Variants in COG2 observed in about 807,000 individuals in gnomAD.
COG2 encodes conserved oligomeric Golgi complex subunit 2.
In COG2, 52 loss-of-function variants were observed where a neutral mutation model predicts 90.6. That is an observed-to-expected ratio of 0.57 (90% CI 0.46 to 0.72). The LOEUF (loss-of-function observed/expected upper bound fraction) is 0.72. COG2 is among the 30% of genes least tolerant of loss of function. The pLI, the probability that COG2 is intolerant of heterozygous loss-of-function variation, is 0.00. For missense variants in COG2, 829 were observed against 891.2 expected, an observed-to-expected ratio of 0.93 and a Z score of 0.89; for synonymous variants, 337 against 320.4, an observed-to-expected ratio of 1.05 and a Z score of -0.55.
chr1:230,668,141 G>A (rs1571952236), intron 5 of COG2, among the ~76,000 whole-genome samples: 1 of 152,106 alleles, frequency 6.6e-6, no homozygotes, highest in Admixed American at 6.5e-5. Context: ...AAATATATTT[G>A]GTATTTTAGA....
At chr1:230,685,867 G>A (rs140540749) in intron 12 of COG2, among the ~76,000 whole-genome samples, 2 of 152,292 alleles carry the variant, frequency 1.3e-5, no homozygotes, top group Non-Finnish European at 2.9e-5. Flanking sequence ...TGGGGACAGC[G>A]TGAGTAACAG....
chr1:230,666,348 G>C (rs1376378902), intron 5 of COG2, among the ~76,000 whole-genome samples: 1 of 152,002 alleles, frequency 6.6e-6, no homozygotes, highest in African/African-American at 2.4e-5. Flanking sequence ...GCAAGCCCTG[G>C]AGACTCTGCT....
intron 5 of COG2, among the ~76,000 whole-genome samples, chr1:230,665,611 A>G (rs996092219): frequency 1.3e-5 from 2 of 152,192 alleles, no homozygotes; most frequent in Non-Finnish European, 2.9e-5. Flanking sequence ...CGAAAAGGAA[A>G]TTATTCTCAT....
At chr1:230,665,106 C>T (rs1662288822) in intron 5 of COG2, among the ~76,000 whole-genome samples, 2 of 152,186 alleles carry the variant, frequency 1.3e-5, no homozygotes, top group Admixed American at 1.3e-4. Context: ...CCTTCCCACA[C>T]TGAATTTAAA....
intron 9 of COG2, among the ~76,000 whole-genome samples, chr1:230,676,711 TTGA>T (rs1662609110): frequency 6.6e-6 from 1 of 152,160 alleles, no homozygotes. Flanking sequence ...CTTCTAACTG[TTGA>T]TGATAATTTA....
In COG2 at chr1:230,685,222, G is replaced by T. The variant is rs1476101808; in HGVS notation, c.1366G>T (p.Val456Leu). ...LTLQILARYSVFVNELSLRPI... is the reference protein window; with the variant it reads ...LTLQILARYSLFVNELSLRPI... ...TCTGCAGATTTTGGCACGATACTCT[G>T]TGTTTGTCAATGAGGTAAGGGCTGG... Residue 456 changes from valine to leucine, a missense_variant, in exon 12 of 18, where the codon GTG (valine) becomes TTG (leucine). By Grantham distance (32) the Val-to-Leu change is conservative. Transcript: ENST00000366669. 5 of 1,614,172 alleles carry T rather than the reference G, an allele frequency of 3.1e-6. No homozygotes were observed. Among genetic ancestry groups the T allele is most frequent in the South Asian group, 1.1e-5 (1 of 91,074 alleles).
chr1:230,669,091 C>G (rs1662386958), intron 6 of COG2: 1 of 453,104 alleles, frequency 2.2e-6, no homozygotes, highest in Non-Finnish European at 3.9e-6. Flanking sequence ...CATGATGTTT[C>G]CTCAAGATTG....
At chr1:230,666,907 C>T (rs1000549790) in intron 5 of COG2, among the ~76,000 whole-genome samples, 1 of 152,202 alleles carries the variant, frequency 6.6e-6, no homozygotes, top group Non-Finnish European at 1.5e-5. Context: ...ATCCCTTCTG[C>T]TTTCTTTAAA....
chr1:230,687,485 C>T (rs890123950), intron 13 of COG2, among the ~76,000 whole-genome samples: 1 of 152,208 alleles, frequency 6.6e-6, no homozygotes, highest in Non-Finnish European at 1.5e-5. Context: ...TCTGGTCAGG[C>T]ATGATCTTTA....
intron 5 of COG2, among the ~76,000 whole-genome samples, chr1:230,667,525 A>G (rs1258207934): frequency 6.6e-6 from 1 of 152,216 alleles, no homozygotes; most frequent in East Asian, 1.9e-4. Flanking sequence ...TTTGAGCTGT[A>G]GTGAAGGTAA....
chr1:230,683,770 A>C lies in COG2; in HGVS notation c.1228+135A>C, dbSNP rs1571961823. 3 of 638,548 alleles carry C rather than the reference A, an allele frequency of 4.7e-6. No individual in the cohort carries two copies. In the East Asian group the frequency reaches 8.6e-5, roughly 18 times the overall value. The allele number at this position is 638,548 out of a possible 1,614,324, so 39.6% of individuals were successfully genotyped here. A position where few individuals can be genotyped will look rare whatever the true frequency, so the allele number is the denominator to read the frequency against. On this transcript the variant is annotated intron_variant, in intron 11 of 17. Transcript: ENST00000366669. ...TAATCATACAGTAAGTTGGACCTTAAAAATCACTTAGTTTGACTTCTTTTT... is the reference window on the plus strand; with the variant it reads ...TAATCATACAGTAAGTTGGACCTTACAAATCACTTAGTTTGACTTCTTTTT...
intron 2 of COG2, 35 bp from the exon 3 acceptor site, chr1:230,660,723 T>C: frequency 6.7e-7 from 1 of 1,484,678 alleles, no homozygotes; most frequent in Non-Finnish European, 9.2e-7. Context: ...CTCTTGATTG[T>C]GAGGTGTGTG....
chr1:230,678,553 C>T, intron 9 of COG2: 1 of 1,168,826 alleles, frequency 8.6e-7, no homozygotes. Context: ...CTTCTTTCTC[C>T]TTTGTGAGGC....
intron 1 of COG2, among the ~76,000 whole-genome samples, chr1:230,650,157 G>T (rs1359242195): frequency 6.6e-6 from 1 of 152,168 alleles, no homozygotes; most frequent in Non-Finnish European, 1.5e-5. Context: ...TTGCTATTGT[G>T]AATAGGGCTT....
In COG2 at chr1:230,671,634, T is replaced by C; in HGVS notation, c.893T>C (p.Ile298Thr). ...RLLREVTGGA[I>T]SSEKGNTVPG... The stretch of plus-strand genomic sequence containing the variant: ...CTTCGAGAAGTCACAGGAGGTGCCA[T>C]CTCCAGGTAATTTAAACAACCCTGT... The change falls in exon 8 of 18, where the codon ATC (isoleucine) becomes ACC (threonine). Residue 298 changes from isoleucine to threonine, a missense_variant. Ile to Thr is a moderately conservative substitution (Grantham distance 89, BLOSUM62 -1). Coordinates refer to ENST00000366669, the MANE Select transcript of COG2 (RefSeq NM_007357.3). The C allele has an allele frequency of 5.0e-6, 8 of 1,613,510 alleles. No individual in the cohort carries two copies. The highest frequency in any genetic ancestry group is 6.8e-6 in the Non-Finnish European group (8 of 1,179,652).
At chr1:230,676,574 GT>G (rs1662603601) in intron 9 of COG2, among the ~76,000 whole-genome samples, 1 of 151,916 alleles carries the variant, frequency 6.6e-6, no homozygotes, top group South Asian at 2.1e-4. Context: ...CATTTTTATT[GT>G]TTTAAATCAT....
intron 1 of COG2, 76 bp downstream of exon 1, chr1:230,642,754 G>A (rs1420032859): frequency 1.8e-5 from 25 of 1,420,674 alleles, no homozygotes; most frequent in South Asian, 3.8e-5. Context: ...CGGTCTCTTC[G>A]GTCGGCTGCT....
intron 7 of COG2, 32 bp downstream of exon 7, chr1:230,669,567 A>G: frequency 4.4e-6 from 7 of 1,593,344 alleles, no homozygotes; most frequent in Non-Finnish European, 6.0e-6. Context: ...AACATTCATG[A>G]GCTTCTGTTC....
chr1:230,674,839 A>T (rs573108701), intron 8 of COG2, among the ~76,000 whole-genome samples, 159 bp from the exon 9 acceptor site: 2 of 152,228 alleles, frequency 1.3e-5, no homozygotes, highest in East Asian at 3.9e-4. Context: ...TGAAATAGAA[A>T]CTTGAGTCTG....
Sources: allele counts gnomAD v4.1 joint callset (sites outside exome capture counted in the v4.1 genomes callset), GRCh38; gene constraint gnomAD v4.1.1; transcripts MANE v1.5; gene names NCBI Gene and HGNC (gene_info 2026-07-23, HGNC 2026-07-21).